Variants in DSCAML1 observed in about 807,000 individuals in gnomAD.
DSCAML1 encodes cell adhesion molecule DSCAML1.
In DSCAML1, 38 loss-of-function variants were observed where a neutral mutation model predicts 200.5. The observed-to-expected ratio is 0.19, with a 90% CI of 0.15 to 0.25. DSCAML1 has a LOEUF of 0.25. Among genes scored for constraint, DSCAML1 ranks in the 10% least tolerant of loss-of-function variants. The pLI, the probability that DSCAML1 is intolerant of heterozygous loss-of-function variation, is 1.00. For missense variants in DSCAML1, 2,223 were observed against 2,858.8 expected (o/e 0.78, Z 5.07); for synonymous variants, 1,215 against 1,165.0 (o/e 1.04, Z -0.87).
rs2047692887 is a variant in DSCAML1 at position 117,427,995 on chromosome 11, A to G, written c.*333T>C. The G allele has an allele frequency of 5.8e-6, 1 of 172,396 alleles. No homozygotes were observed. The highest frequency in any genetic ancestry group is 1.2e-5 in the Non-Finnish European group (1 of 81,480). The allele number at this position is 172,396 out of a possible 1,614,324, so 10.7% of individuals were successfully genotyped here. On this transcript the variant is annotated 3_prime_UTR_variant, in exon 33 of 33. Coordinates refer to ENST00000651296, the MANE Select transcript of DSCAML1 (RefSeq NM_020693.4). ...TGCTGAGTCTTTGTGCCTCTGTCTC[A>G]AAATAGGGTGAGAGAAATATATAGA...
chr11:117,573,142 C>G (rs529017680), intron 3 of DSCAML1, among the ~76,000 whole-genome samples: 1 of 152,196 alleles, frequency 6.6e-6, no homozygotes, highest in African/African-American at 2.4e-5. Context: ...GAAGCTCACA[C>G]GTGTCCTGTC....
In DSCAML1 at chr11:117,642,139, C is replaced by G. The variant is rs1320453894; in HGVS notation, c.512-109617G>C. ...CTCGAATTATTTCTGGTTTGTAATC[C>G]CCAACCCCAACCACACTGGATCATA... On this transcript the variant is annotated intron_variant, in intron 3 of 32. Transcript: ENST00000651296. This position sits in a 1 kb window ranked among gnomAD's most constrained non-coding sequence, Gnocchi z 4.1. Among the ~76,000 whole-genome samples, 2 of 152,126 alleles carry G rather than the reference C, an allele frequency of 1.3e-5. No individual in the cohort carries two copies. The highest frequency in any genetic ancestry group is 6.6e-5 in the Admixed American group (1 of 15,266).
At chr11:117,486,619 A>G (rs1163517694) in intron 11 of DSCAML1, among the ~76,000 whole-genome samples, 1 of 152,198 alleles carries the variant, frequency 6.6e-6, no homozygotes, top group Non-Finnish European at 1.5e-5. Flanking sequence ...TAATCTGGGA[A>G]GTGCAAGACT....
chr11:117,692,527 T>C (rs2137722730), intron 3 of DSCAML1, among the ~76,000 whole-genome samples: 1 of 152,276 alleles, frequency 6.6e-6, no homozygotes, highest in African/African-American at 2.4e-5. Flanking sequence ...TCACTTAGCT[T>C]GAATCATGGG....
At chr11:117,623,360 G>C (rs2051978457) in intron 3 of DSCAML1, among the ~76,000 whole-genome samples, 1 of 151,936 alleles carries the variant, frequency 6.6e-6, no homozygotes. Flanking sequence ...GGGATTACAG[G>C]AGTGCGCCAT....
At chr11:117,431,404 A>G in intron 31 of DSCAML1, 130 bp downstream of exon 31, 1 of 830,530 alleles carries the variant, frequency 1.2e-6, no homozygotes, top group East Asian at 2.7e-5. Flanking sequence ...GTGACCAGCT[A>G]GACATGAAAC....
chr11:117,442,333 AGTGTGTATGT>A (rs2048080562), intron 21 of DSCAML1, among the ~76,000 whole-genome samples: 1 of 150,100 alleles, frequency 6.7e-6, no homozygotes, highest in Admixed American at 6.6e-5. Flanking sequence ...TAGTGTGTAT[AGTGTGTATGT>A]GTGTGCATGT....
intron 4 of DSCAML1, among the ~76,000 whole-genome samples, chr11:117,528,178 C>T (rs1373763410): frequency 6.6e-6 from 1 of 152,168 alleles, no homozygotes; most frequent in South Asian, 2.1e-4. Flanking sequence ...ACCCCCAACC[C>T]GGTGGGAATG....
At chr11:117,605,676 AG>A (rs1360375629) in intron 3 of DSCAML1, among the ~76,000 whole-genome samples, 1 of 152,144 alleles carries the variant, frequency 6.6e-6, no homozygotes, top group Non-Finnish European at 1.5e-5. Context: ...TTCAGGGTGA[AG>A]GGAAGAGGCG....
chr11:117,547,419 G>A (rs1019612285), intron 3 of DSCAML1, among the ~76,000 whole-genome samples: 20 of 152,284 alleles, frequency 1.3e-4, no homozygotes, highest in South Asian at 4.1e-4. Flanking sequence ...GCAGCTGCCC[G>A]CCCTTGGCTC....
chr11:117,809,966 C>T (rs572879150), intron 1 of DSCAML1, among the ~76,000 whole-genome samples: 1 of 148,040 alleles, frequency 6.8e-6, no homozygotes, highest in Admixed American at 6.8e-5. Context: ...CACACTCACA[C>T]ATTCACACAC....
chr11:117,481,950 T>C lies in DSCAML1; in HGVS notation c.2559+13A>G. The stretch of plus-strand genomic sequence containing the variant: ...GAGTTGGGGTCCCCCAGCACTGAGG[T>C]GGGGGTGCTCACCTTCAGTGTGGAG... On this transcript the variant is annotated intron_variant, in intron 12 of 32. Transcript: ENST00000651296. 1 of 1,613,446 alleles carries C rather than the reference T, an allele frequency of 6.2e-7. No homozygotes were observed. The highest frequency in any genetic ancestry group is 1.1e-5 in the South Asian group (1 of 91,068).
chr11:117,605,995 T>C (rs1657960343), intron 3 of DSCAML1, among the ~76,000 whole-genome samples: 2 of 152,252 alleles, frequency 1.3e-5, no homozygotes, highest in South Asian at 4.1e-4. Context: ...AGTGTCATTA[T>C]TGTCCTTTCC....
rs2055203837 is a variant in DSCAML1 at position 117,780,067 on chromosome 11, T to G, written c.364+426A>C. ...CTTTGCAGATGGGAAAACTGAGGCT[T>G]AGGAAGGTGTCTTCTCACCACTGCA... On this transcript the variant is annotated intron_variant, in intron 2 of 32. Transcript: ENST00000651296. This position sits in a 1 kb window ranked among gnomAD's most constrained non-coding sequence, Gnocchi z 4.8. 1.3e-5 allele frequency among the ~76,000 whole-genome samples: 2 copies of G among 149,866 alleles called. No homozygotes were observed. The highest frequency in any genetic ancestry group is 2.1e-4 in the South Asian group (1 of 4,720).
At chr11:117,493,654 G>A (rs190227814) in intron 11 of DSCAML1, among the ~76,000 whole-genome samples, 1 of 149,810 alleles carries the variant, frequency 6.7e-6, no homozygotes, top group African/African-American at 2.5e-5. Flanking sequence ...TTGAGACAAG[G>A]TCTCACTCTG....
At chr11:117,439,555 TG>T in intron 22 of DSCAML1, 126 bp from the exon 23 acceptor site, 1 of 1,296,802 alleles carries the variant, frequency 7.7e-7, no homozygotes, top group East Asian at 2.4e-5. Flanking sequence ...GCCGGGTTCT[TG>T]GGGCTTTGCT....
chr11:117,807,192 G>A (rs2055713959), intron 1 of DSCAML1, among the ~76,000 whole-genome samples: 1 of 152,188 alleles, frequency 6.6e-6, no homozygotes, highest in South Asian at 2.1e-4. Context: ...CTGACCAAAT[G>A]GCATCTCTCT....
At position 117,602,484 on chromosome 11, in the gene DSCAML1, C is replaced by T. The variant is rs150638851; in HGVS notation, c.512-69962G>A. ...CAAGCAATCCTCCCACCTCAGCCTC[C>T]GGAGTAGCTGGGACCACAGGCATGC... On this transcript the variant is annotated intron_variant, in intron 3 of 32. Transcript: ENST00000651296. 2.7e-3 allele frequency among the ~76,000 whole-genome samples: 416 copies of T among 152,274 alleles called. 1 individual carries two copies. Among genetic ancestry groups the T allele is most frequent in the African/African-American group, 7.8e-3 (325 of 41,564 alleles).
intron 3 of DSCAML1, among the ~76,000 whole-genome samples, chr11:117,673,875 C>T (rs2053159605): frequency 6.6e-6 from 1 of 152,272 alleles, no homozygotes. Context: ...TGCCCTGGAA[C>T]TCAGCGTTTC....
Sources: gnomAD v4.1 joint callset for allele counts (sites outside exome capture counted in the v4.1 genomes callset) on GRCh38, gnomAD v4.1.1 for gene constraint, Gnocchi (gnomAD v3.1) non-coding constraint, MANE v1.5 for transcripts, NCBI Gene and HGNC (gene_info 2026-07-23, HGNC 2026-07-21) for gene names.